The following CFTR variants were observed in gnomAD, a reference collection of about 807,000 sequenced individuals.
The protein encoded by CFTR is CF transmembrane conductance regulator.
Under a neutral mutation model 171.6 loss-of-function variants are expected in CFTR, and 181 were observed. The observed-to-expected ratio is 1.05, with a 90% CI of 0.93 to 1.19. The LOEUF (loss-of-function observed/expected upper bound fraction) is 1.19, where lower values mean the gene tolerates loss of function less well. CFTR is among the 50% of genes most tolerant of loss of function. CFTR has a pLI of 0.00. For synonymous variants in CFTR, 583 were observed against 608.0 expected (o/e 0.96, Z 0.60); for missense variants, 1,968 against 1,734.7 (o/e 1.13, Z -2.39).
At chr7:117,503,395 A>G (rs1039751698) in intron 1 of CFTR, among the ~76,000 whole-genome samples, 1 of 152,162 alleles carries the variant, frequency 6.6e-6, no homozygotes, top group African/African-American at 2.4e-5. Flanking sequence ...GTGCTCTCGA[A>G]TTTTATTTAG....
rs765774612 is a variant in CFTR at position 117,591,911 on chromosome 7, T to G, written c.1767-23T>G. 6 of 1,443,108 alleles carry G rather than the reference T, an allele frequency of 4.2e-6. No individual in the cohort carries two copies. In the South Asian group the frequency reaches 7.7e-5, roughly 19 times the overall value. 89.4% of individuals were successfully genotyped at this position (1,443,108 alleles called of 1,614,324 possible). On this transcript the variant is annotated intron_variant, in intron 13 of 26. Transcript: ENST00000003084. ...AATAAAGTATTTATAAAATTGATAT[T>G]TATATGTTTTTATATCTTAAAGCTG...
intron 1 of CFTR, among the ~76,000 whole-genome samples, chr7:117,485,085 A>G (rs1396151501): frequency 6.6e-6 from 1 of 152,214 alleles, no homozygotes; most frequent in Non-Finnish European, 1.5e-5. Flanking sequence ...TATTCAATAC[A>G]TAAATGTTAA....
chr7:117,561,731 A>T (rs1476319235), intron 11 of CFTR, among the ~76,000 whole-genome samples: 1 of 152,136 alleles, frequency 6.6e-6, no homozygotes, highest in Non-Finnish European at 1.5e-5. Flanking sequence ...GAATTTGTGG[A>T]CTAGTGGGAA....
intron 22 of CFTR, among the ~76,000 whole-genome samples, chr7:117,640,719 A>G (rs1384841515): frequency 6.6e-6 from 1 of 152,202 alleles, no homozygotes; most frequent in East Asian, 1.9e-4. Context: ...GCTGATTCAT[A>G]AATGAAAATG....
intron 9 of CFTR, among the ~76,000 whole-genome samples, chr7:117,544,573 C>T (rs1271518158): frequency 6.6e-6 from 1 of 152,198 alleles, no homozygotes; most frequent in Non-Finnish European, 1.5e-5. Flanking sequence ...CTTCTTCTTA[C>T]CCTTGTCTGA....
At chr7:117,534,820 A>C (rs1321312742) in intron 5 of CFTR, among the ~76,000 whole-genome samples, 1 of 152,224 alleles carries the variant, frequency 6.6e-6, no homozygotes, top group Non-Finnish European at 1.5e-5. Context: ...TGTTGAATTG[A>C]GCAAATATTT....
chr7:117,630,357 T>G (rs1043472785), intron 22 of CFTR, among the ~76,000 whole-genome samples: 1 of 152,112 alleles, frequency 6.6e-6, no homozygotes, highest in Admixed American at 6.6e-5. Flanking sequence ...GAAGGTTTTA[T>G]ATAGGAAGTG....
Position 117,603,769 on chromosome 7 carries a change from C to A in CFTR, c.2895C>A (p.Asn965Lys), listed in dbSNP as rs779569793. The A allele has an allele frequency of 1.1e-5, 17 of 1,613,760 alleles. No individual in the cohort carries two copies. Among genetic ancestry groups the A allele is most frequent in the East Asian group, 2.2e-5 (1 of 44,890 alleles). Residue 965 changes from asparagine to lysine, a missense_variant, in exon 17 of 27, where the codon AAC (asparagine) becomes AAA (lysine). Asn to Lys is a moderately conservative substitution (Grantham distance 94). Coordinates refer to ENST00000003084, the MANE Select transcript of CFTR (RefSeq NM_000492.4). ...SVLQAPMSTLNTLKAGGILNR... is the reference protein window; with the variant it reads ...SVLQAPMSTLKTLKAGGILNR... ...TTCAAGCACCTATGTCAACCCTCAA[C>A]ACGTTGAAAGCAGGTACTTTACTAG...
chr7:117,588,260 A>G (rs942981474), intron 12 of CFTR, among the ~76,000 whole-genome samples: 2 of 152,166 alleles, frequency 1.3e-5, no homozygotes, highest in Admixed American at 1.3e-4. Flanking sequence ...TTTCATAACA[A>G]AATAGGAAGG....
At chr7:117,504,717 G>T (rs922236099) in intron 2 of CFTR, among the ~76,000 whole-genome samples, 1 of 146,448 alleles carries the variant, frequency 6.8e-6, no homozygotes, top group African/African-American at 2.6e-5. Context: ...TTGTGCCACT[G>T]CACTCCAGCT....
intron 11 of CFTR, among the ~76,000 whole-genome samples, chr7:117,587,069 T>G (rs998769260): frequency 1.3e-5 from 2 of 152,172 alleles, no homozygotes; most frequent in Non-Finnish European, 2.9e-5. Context: ...CAGTCTTCTT[T>G]TACAATGCCT....
Position 117,548,801 on chromosome 7 carries a change from C to T in CFTR, c.1370C>T (p.Ala457Val), listed in dbSNP as rs1799215956. Residue 457 changes from alanine to valine, a missense_variant, in exon 10 of 27, where the codon GCT becomes GTT. Transcript: ENST00000003084. ...KIERGQLLAVAGSTGAGKTSL... is the reference protein window; with the variant it reads ...KIERGQLLAVVGSTGAGKTSL... Reference sequence around the variant, plus strand: ...GAAAGAGGACAGTTGTTGGCGGTTGCTGGATCCACTGGAGCAGGCAAGGTA... The same window carrying T: ...GAAAGAGGACAGTTGTTGGCGGTTGTTGGATCCACTGGAGCAGGCAAGGTA... 2 of 1,610,252 alleles carry T rather than the reference C, an allele frequency of 1.2e-6. No homozygotes were observed.
At chr7:117,560,418 A>C (rs1404943834) in intron 11 of CFTR, among the ~76,000 whole-genome samples, 1 of 152,150 alleles carries the variant, frequency 6.6e-6, no homozygotes, top group Non-Finnish European at 1.5e-5. Context: ...TATACTCCAA[A>C]TAGTGTTTGT....
At chr7:117,524,355 A>G (rs1798737636) in intron 3 of CFTR, among the ~76,000 whole-genome samples, 1 of 151,928 alleles carries the variant, frequency 6.6e-6, no homozygotes, top group African/African-American at 2.4e-5. Flanking sequence ...CTGCAACTCA[A>G]GAGAGCATTT....
chr7:117,541,907 A>T, intron 8 of CFTR, 109 bp from the exon 9 acceptor site: 1 of 471,404 alleles, frequency 2.1e-6, no homozygotes, highest in South Asian at 4.2e-5. Flanking sequence ...CTATTTCATT[A>T]TTAAAATTCA....
chr7:117,628,493 T>G (rs1288035294), intron 22 of CFTR, among the ~76,000 whole-genome samples: 2 of 152,150 alleles, frequency 1.3e-5, no homozygotes, highest in Non-Finnish European at 2.9e-5. Flanking sequence ...ATATTTTGAT[T>G]GATATTTTTT....
intron 8 of CFTR, among the ~76,000 whole-genome samples, chr7:117,541,292 G>A (rs34979995): frequency 0.037 from 5,653 of 152,206 alleles, 145 homozygotes; most frequent in African/African-American, 0.045. Flanking sequence ...TCTGGGGAGA[G>A]TCACTGAATG....
At chr7:117,569,589 A>C (rs992637995) in intron 11 of CFTR, among the ~76,000 whole-genome samples, 1 of 152,186 alleles carries the variant, frequency 6.6e-6, no homozygotes, top group Non-Finnish European at 1.5e-5. Flanking sequence ...GGGCATGACT[A>C]AATAACAGTA....
At chr7:117,615,333 C>CT (rs1159368247) in intron 21 of CFTR, among the ~76,000 whole-genome samples, 4 of 152,032 alleles carry the variant, frequency 2.6e-5, no homozygotes, top group African/African-American at 9.6e-5. Flanking sequence ...AGTGGCTTGG[C>CT]TTATAGAGTC....
Sources: gnomAD v4.1 joint callset for allele counts (sites outside exome capture counted in the v4.1 genomes callset) on GRCh38, gnomAD v4.1.1 for gene constraint, MANE v1.5 for transcripts, NCBI Gene and HGNC (gene_info 2026-07-23, HGNC 2026-07-21) for gene names.